MANSC4: variants seen among roughly 807,000 people sequenced by gnomAD.
The protein encoded by MANSC4 is MANSC domain-containing protein 4.
MANSC4 carries 11 observed loss-of-function variants against 11.4 expected under a neutral mutation model. That is an observed-to-expected ratio of 0.97 (90% CI 0.61 to 1.60). The LOEUF is 1.60. MANSC4 is among the 40% of genes most tolerant of loss of function. The pLI, the probability that MANSC4 is intolerant of heterozygous loss-of-function variation, is 0.00. For missense variants in MANSC4, 354 were observed against 404.6 expected (o/e 0.88, Z 1.07); for synonymous variants, 123 against 147.1 (o/e 0.84, Z 1.19).
Position 27,762,988 on chromosome 12 carries a change from A to C in MANSC4, c.773T>G (p.Leu258Ter), listed in dbSNP as rs1287171515. The C allele has an allele frequency of 6.4e-7, 1 of 1,551,766 alleles. No individual in the cohort carries two copies. Among genetic ancestry groups the C allele is most frequent in the African/African-American group, 1.4e-5 (1 of 73,162 alleles). The part of the protein sequence containing the change: ...VPPGLNSSKQ[L>*]LNKTKGYNSR... ...ATTGTATCCTTTGGTTTTGTTTAGT[A>C]ATTGTTTGCTACTGTTGAGTCCAGG... The change falls in exon 4 of 4, where the codon TTA (leucine) becomes TGA (stop). Residue 258 changes from leucine (L) to a stop codon, truncating the protein, a stop_gained. Coordinates refer to ENST00000381273, the MANE Select transcript of MANSC4 (RefSeq NM_001146221.5). LOFTEE classifies it low-confidence loss of function (END_TRUNC).
At chr12:27,770,894 G>A (rs142529789) in intron 2 of MANSC4, among the ~76,000 whole-genome samples, 154 bp downstream of exon 2, 272 of 152,212 alleles carry the variant, frequency 1.8e-3, no homozygotes, top group African/African-American at 6.4e-3. Context: ...CAGTTTCACT[G>A]GCTCTCTTAC....
chr12:27,774,638 T>G (rs951760131), intron 1 of MANSC4, among the ~76,000 whole-genome samples: 5 of 152,316 alleles, frequency 3.3e-5, no homozygotes, highest in South Asian at 4.1e-4. Flanking sequence ...GATTCCAGAA[T>G]AGGGCAACAC....
chr12:27,766,641 A>T, intron 3 of MANSC4, 24 bp downstream of exon 3: 1 of 1,546,968 alleles, frequency 6.5e-7, no homozygotes, highest in Non-Finnish European at 8.7e-7. Context: ...ATTCTTTTAA[A>T]GTCTTGAAAT....
intron 1 of MANSC4, among the ~76,000 whole-genome samples, chr12:27,777,145 A>T (rs1440615516): frequency 6.6e-6 from 1 of 152,196 alleles, no homozygotes; most frequent in Non-Finnish European, 1.5e-5. Context: ...TCCCTGTCCA[A>T]CCTCATCTTA....
chr12:27,772,204 A>C (rs2062103753), intron 1 of MANSC4, among the ~76,000 whole-genome samples: 1 of 152,240 alleles, frequency 6.6e-6, no homozygotes, highest in South Asian at 2.1e-4. Flanking sequence ...TGTGGGTTTC[A>C]TATCCTGTGA....
intron 3 of MANSC4, among the ~76,000 whole-genome samples, chr12:27,763,747 T>C (rs1393160584): frequency 6.6e-6 from 1 of 152,088 alleles, no homozygotes; most frequent in African/African-American, 2.4e-5. Context: ...TATTTATTTT[T>C]TGAGACAGGG....
chr12:27,773,726 C>A (rs2062108867), intron 1 of MANSC4, among the ~76,000 whole-genome samples: 1 of 152,180 alleles, frequency 6.6e-6, no homozygotes, highest in Non-Finnish European at 1.5e-5. Context: ...ATAAATGGAA[C>A]TTTTACCTAA....
At chr12:27,769,428 T>G (rs2062090330) in intron 2 of MANSC4, among the ~76,000 whole-genome samples, 1 of 152,192 alleles carries the variant, frequency 6.6e-6, no homozygotes, top group African/African-American at 2.4e-5. Context: ...AAGCCACAAC[T>G]GGGAAGTTAC....
At chr12:27,775,103 G>A (rs1013117788) in intron 1 of MANSC4, among the ~76,000 whole-genome samples, 1 of 151,924 alleles carries the variant, frequency 6.6e-6, no homozygotes, top group African/African-American at 2.4e-5. Flanking sequence ...AAAGCAGAGG[G>A]CACTGCCTTA....
In MANSC4 at chr12:27,763,222, T is replaced by G. The variant is rs928950050; in HGVS notation, c.539A>C (p.Gln180Pro). 19 of 1,551,630 alleles carry G rather than the reference T, an allele frequency of 1.2e-5. No individual in the cohort carries two copies. The highest frequency in any genetic ancestry group is 1.7e-5 in the Non-Finnish European group (19 of 1,147,026). ...STEAPSSTTH[Q>P]DLVVNTNSTS... ...ACTGTTTGTGTTTACAACCAAATCT[T>G]GATGCGTGGTTGAGGATGGAGCCTC... The change falls in exon 4 of 4, where the codon CAA becomes CCA. Residue 180 changes from glutamine (Q) to proline (P), a missense_variant. Gln to Pro is a moderately conservative substitution (Grantham distance 76, BLOSUM62 -1). Transcript: ENST00000381273.
intron 1 of MANSC4, among the ~76,000 whole-genome samples, chr12:27,774,565 T>A (rs965096116): frequency 6.6e-6 from 1 of 152,214 alleles, no homozygotes; most frequent in Non-Finnish European, 1.5e-5. Flanking sequence ...AAAAAACATA[T>A]GAACGTCAAA....
chr12:27,769,058 A>C (rs2062088002), intron 2 of MANSC4, among the ~76,000 whole-genome samples: 2 of 152,188 alleles, frequency 1.3e-5, no homozygotes, highest in African/African-American at 4.8e-5. Flanking sequence ...AACTGTGAGG[A>C]GTTAATCTCC....
At chr12:27,774,553 TA>T (rs888042381) in intron 1 of MANSC4, among the ~76,000 whole-genome samples, 6 of 152,262 alleles carry the variant, frequency 3.9e-5, no homozygotes, top group Admixed American at 1.3e-4. Context: ...TATTGTTATT[TA>T]AAAAAACATA....
At chr12:27,774,681 G>A (rs1289464661) in intron 1 of MANSC4, among the ~76,000 whole-genome samples, 1 of 152,202 alleles carries the variant, frequency 6.6e-6, no homozygotes, top group Admixed American at 6.5e-5. Flanking sequence ...ACTGAGCAGA[G>A]GAGGTGGCTT....
intron 3 of MANSC4, among the ~76,000 whole-genome samples, chr12:27,763,980 G>A (rs992321362): frequency 2.0e-5 from 3 of 152,084 alleles, no homozygotes; most frequent in Non-Finnish European, 4.4e-5. Context: ...CGATCCGCCC[G>A]CCTCGGCCTA....
In MANSC4 at chr12:27,763,238, A is replaced by G. The variant is rs951038017; in HGVS notation, c.523T>C (p.Ser175Pro). ...NGMLPSTEAPSSTTHQDLVVN... is the reference protein window; with the variant it reads ...NGMLPSTEAPPSTTHQDLVVN... ...ACCAAATCTTGATGCGTGGTTGAGG[A>G]TGGAGCCTCTGTGGATGGCAGCATA... Residue 175 changes from serine (S) to proline (P), a missense_variant, in exon 4 of 4, where the codon TCC (serine) becomes CCC (proline). Physicochemically the swap from Ser to Pro is moderately conservative, Grantham distance 74 (BLOSUM62 -1). Transcript: ENST00000381273. 1 of 1,551,702 alleles carries G rather than the reference A, an allele frequency of 6.4e-7. No individual in the cohort carries two copies.
chr12:27,778,852 G>C (rs1361829409), intron 1 of MANSC4, among the ~76,000 whole-genome samples: 1 of 152,154 alleles, frequency 6.6e-6, no homozygotes, highest in Non-Finnish European at 1.5e-5. Context: ...AATGTTCAGT[G>C]AGAGAACATA....
At chr12:27,769,993 C>T (rs1208276976) in intron 2 of MANSC4, among the ~76,000 whole-genome samples, 8 of 152,176 alleles carry the variant, frequency 5.3e-5, no homozygotes, top group African/African-American at 1.9e-4. Flanking sequence ...ATGAAGTCTA[C>T]ACGCAGATTC....
At chr12:27,770,957 G>T in intron 2 of MANSC4, 91 bp downstream of exon 2, 1 of 929,312 alleles carries the variant, frequency 1.1e-6, no homozygotes, top group Non-Finnish European at 1.6e-6. Context: ...CTTTACAACT[G>T]TTTACTGGCC....
Sources: gnomAD v4.1 joint callset for allele counts (sites outside exome capture counted in the v4.1 genomes callset) on GRCh38, gnomAD v4.1.1 for gene constraint, MANE v1.5 for transcripts, NCBI Gene and HGNC (gene_info 2026-07-23, HGNC 2026-07-21) for gene names.